The following LRRC75B variants were observed in gnomAD, a reference collection of about 807,000 sequenced individuals.
The protein encoded by LRRC75B is leucine rich repeat containing 75B.
A neutral mutation model predicts 16.5 loss-of-function variants in LRRC75B; 20 were observed. The observed-to-expected ratio is 1.21, with a 90% CI of 0.85 to 1.76. The LOEUF is 1.76. Ranked by LOEUF, LRRC75B falls within the 40% of genes most tolerant of loss-of-function variation. LRRC75B has a pLI of 0.00. For missense variants in LRRC75B, 406 were observed against 417.0 expected (o/e 0.97, Z 0.23); for synonymous variants, 199 against 198.1 (o/e 1.00, Z -0.04).
Position 24,592,886 on chromosome 22 carries a change from G to GCCGGGCGCGCT in LRRC75B, c.143_153dup (p.Gln52SerfsTer44), listed in dbSNP as rs2045615379. On this transcript the variant is annotated frameshift_variant, in exon 1 of 4. Coordinates refer to ENST00000318753, the MANE Select transcript of LRRC75B (RefSeq NM_207644.3). LOFTEE classifies it high-confidence loss of function. ...GCCTGGCGCAGGAGGCGCAGCAGCT[G>GCCGGGCGCGCT]CCGGGCGCGCTCCGGCCGCCGCTCG... The GCCGGGCGCGCT allele has an allele frequency of 3.1e-6, 4 of 1,281,650 alleles. No individual in the cohort carries two copies. Among genetic ancestry groups the GCCGGGCGCGCT allele is most frequent in the South Asian group, 4.7e-5 (2 of 42,210 alleles). 79.4% of individuals were successfully genotyped at this position (1,281,650 alleles called of 1,614,324 possible). A position where few individuals can be genotyped will look rare whatever the true frequency, so the allele number is the denominator to read the frequency against.
At chr22:24,588,934 G>A in intron 2 of LRRC75B, 1 of 1,003,576 alleles carries the variant, frequency 1.0e-6, no homozygotes. Context: ...GAGGTGCGCG[G>A]CCCACAAAGC....
chr22:24,590,736 G>A (rs1385620344), intron 1 of LRRC75B, among the ~76,000 whole-genome samples: 2 of 152,040 alleles, frequency 1.3e-5, no homozygotes, highest in Non-Finnish European at 2.9e-5. Context: ...CCTTGGGGGC[G>A]GACCTCTCTC....
chr22:24,586,260 G>A lies in LRRC75B; in HGVS notation c.574C>T (p.Leu192=), dbSNP rs2147147824. The A allele has an allele frequency of 6.2e-7, 1 of 1,613,860 alleles. No individual in the cohort carries two copies. The highest frequency in any genetic ancestry group is 1.1e-5 in the South Asian group (1 of 91,090). The change falls in exon 4 of 4, where the codon CTG becomes TTG. Residue 192 remains leucine, a synonymous_variant. Coordinates refer to ENST00000318753, the MANE Select transcript of LRRC75B (RefSeq NM_207644.3). ...AGGAGGTGCAGCAGCTCATCACTCA[G>A]CCCCGTGAAGCTCAGGTCCAGCACC... ...LAVLDLSFTG[L]SDELLHLLLP...
Position 24,586,087 on chromosome 22 carries a change from G to A in LRRC75B, c.747C>T (p.Asn249=), listed in dbSNP as rs144754113. ...PALAWVDLGN[N]VDVASLPQPL... ...GCTGGGGCAGGGAAGCCACATCCAC[G>A]TTGTTGCCCAGGTCCACCCAAGCCA... Residue 249 remains asparagine (N), a synonymous_variant, in exon 4 of 4, where the codon AAC becomes AAT. Coordinates refer to ENST00000318753, the MANE Select transcript of LRRC75B (RefSeq NM_207644.3). 14 of 1,612,522 alleles carry A rather than the reference G, an allele frequency of 8.7e-6. No homozygotes were observed. The highest frequency in any genetic ancestry group is 5.0e-5 in the Admixed American group (3 of 60,026).
rs2045380760 is a variant in LRRC75B at position 24,585,985 on chromosome 22, C to G, written c.849G>C (p.Glu283Asp). 6.2e-7 allele frequency: 1 copy of G among 1,610,522 alleles called. No individual in the cohort carries two copies. The highest frequency in any genetic ancestry group is 1.7e-5 in the Admixed American group (1 of 59,994). The change falls in exon 4 of 4, where the codon GAG (glutamate) becomes GAC (aspartate). Residue 283 changes from glutamate to aspartate, a missense_variant. Transcript: ENST00000318753. ...LPTIYEGLDL[E>D]PEGSAAGATT... ...TGGCCCCGGCCGCACTGCCCTCAGGCTCAAGGTCCAGGCCCTCGTAGATGG... is the reference window on the plus strand; with the variant it reads ...TGGCCCCGGCCGCACTGCCCTCAGGGTCAAGGTCCAGGCCCTCGTAGATGG...
chr22:24,592,263 G>A (rs958307130), intron 1 of LRRC75B: 9 of 464,756 alleles, frequency 1.9e-5, no homozygotes, highest in Non-Finnish European at 4.0e-5. Flanking sequence ...GTGTTGTGAT[G>A]CACAGATGCT....
chr22:24,589,136 G>A lies in LRRC75B; in HGVS notation c.306+685C>T. ...TGGCAGGGCCCAGAGCGGATACCCT[G>A]GTTTTGGTTGGGGACTCACTGTGAC... On this transcript the variant is annotated intron_variant, in intron 2 of 3. Coordinates refer to ENST00000318753, the MANE Select transcript of LRRC75B (RefSeq NM_207644.3). 5 of 1,134,986 alleles carry A rather than the reference G, an allele frequency of 4.4e-6. No homozygotes were observed. The South Asian group carries it at 9.2e-5, about 21-fold the overall frequency. 70.3% of individuals were successfully genotyped at this position (1,134,986 alleles called of 1,614,324 possible).
At chr22:24,592,785 G>A (rs1601601591) in intron 1 of LRRC75B, 78 bp downstream of exon 1, 4 of 1,272,406 alleles carry the variant, frequency 3.1e-6, no homozygotes, top group African/African-American at 3.2e-5. Flanking sequence ...ACAACCCATA[G>A]CCCCGCGCCT....
Position 24,592,903 on chromosome 22 carries a change from C to T in LRRC75B, c.137G>A (p.Arg46Gln). ...CAGCAGCTGCCGGGCGCGCTCCGGC[C>T]GCCGCTCGCGGAGCGTGGACTGGAT... Reference protein sequence around the residue: ...REIQSTLRERRPERARQLLRL... With the variant: ...REIQSTLRERQPERARQLLRL... The change falls in exon 1 of 4, where the codon CGG (arginine) becomes CAG (glutamine). Residue 46 changes from arginine (R) to glutamine (Q), a missense_variant. Physicochemically the swap from Arg to Gln is conservative, Grantham distance 43. Coordinates refer to ENST00000318753, the MANE Select transcript of LRRC75B (RefSeq NM_207644.3). 1 of 1,278,398 alleles carries T rather than the reference C, an allele frequency of 7.8e-7. No homozygotes were observed. Among genetic ancestry groups the T allele is most frequent in the East Asian group, 3.2e-5 (1 of 31,300 alleles). The allele number at this position is 1,278,398 out of a possible 1,614,324, so 79.2% of individuals were successfully genotyped here. A position where few individuals can be genotyped will look rare whatever the true frequency, so the allele number is the denominator to read the frequency against.
intron 3 of LRRC75B, 64 bp downstream of exon 3, chr22:24,588,150 G>T: frequency 1.6e-6 from 2 of 1,270,918 alleles, no homozygotes; most frequent in Non-Finnish European, 2.3e-6. Flanking sequence ...GAGAGTGCAG[G>T]TGTCAACCTG....
Position 24,593,066 on chromosome 22 carries a change from C to A in LRRC75B, c.-27G>T. 1 of 1,037,540 alleles carries A rather than the reference C, an allele frequency of 9.6e-7. No homozygotes were observed. The highest frequency in any genetic ancestry group is 4.5e-5 in the South Asian group (1 of 22,456). The allele number at this position is 1,037,540 out of a possible 1,614,324, so 64.3% of individuals were successfully genotyped here. Reference sequence around the variant, plus strand: ...GCCGCCGCGCGATGGTCGCCGAACCCACAGGAGGCCGGGCTGTCTGCGCCC... The same window carrying A: ...GCCGCCGCGCGATGGTCGCCGAACCAACAGGAGGCCGGGCTGTCTGCGCCC... On this transcript the variant is annotated 5_prime_UTR_variant, in exon 1 of 4. Transcript: ENST00000318753.
chr22:24,589,655 C>A, intron 2 of LRRC75B, 166 bp downstream of exon 2: 1 of 805,656 alleles, frequency 1.2e-6, no homozygotes, highest in South Asian at 1.9e-5. Context: ...GGTGGCCAGC[C>A]TAATATACTG....
At position 24,588,324 on chromosome 22, in the gene LRRC75B, A is replaced by G; in HGVS notation, c.312T>C (p.Tyr104=). The G allele has an allele frequency of 1.2e-6, 2 of 1,611,220 alleles. No homozygotes were observed. The highest frequency in any genetic ancestry group is 1.1e-5 in the South Asian group (1 of 90,496). The part of the protein sequence containing the change: ...ARDLQCPKKD[Y]ELWKSSDKIC... ...TCTTGTCCGAGGACTTCCAGAGCTC[A>G]TAGTCCTGTGGGAGGGCAGTGTCAC... Residue 104 remains tyrosine, a synonymous_variant, in exon 3 of 4, where the codon TAT becomes TAC. Coordinates refer to ENST00000318753, the MANE Select transcript of LRRC75B (RefSeq NM_207644.3).
chr22:24,588,623 C>T lies in LRRC75B; in HGVS notation c.307-294G>A, dbSNP rs562824689. Reference sequence around the variant, plus strand: ...TCCCTGTCCTCGGGCCCAGGGCCAGCGTCTCGGGCTATCAGCCGGCTGCCT... The same window carrying T: ...TCCCTGTCCTCGGGCCCAGGGCCAGTGTCTCGGGCTATCAGCCGGCTGCCT... On this transcript the variant is annotated intron_variant, in intron 2 of 3. Coordinates refer to ENST00000318753, the MANE Select transcript of LRRC75B (RefSeq NM_207644.3). The T allele has an allele frequency of 2.7e-5, 29 of 1,055,426 alleles. No individual in the cohort carries two copies. In the East Asian group the frequency reaches 6.5e-4, roughly 24 times the overall value. The allele number at this position is 1,055,426 out of a possible 1,614,324, so 65.4% of individuals were successfully genotyped here.
chr22:24,588,569 G>A (rs953946606), intron 2 of LRRC75B: 24 of 843,314 alleles, frequency 2.8e-5, no homozygotes, highest in Middle Eastern at 3.9e-4. Flanking sequence ...AGTGCCCGGC[G>A]GGAGGAAGCC....
chr22:24,586,219 C>A lies in LRRC75B; in HGVS notation c.615G>T (p.Trp205Cys), dbSNP rs1450263551. Residue 205 changes from tryptophan (W) to cysteine (C), a missense_variant, in exon 4 of 4, where the codon TGG becomes TGT. By Grantham distance (215) the Trp-to-Cys change is radical. Coordinates refer to ENST00000318753, the MANE Select transcript of LRRC75B (RefSeq NM_207644.3). ...ELLHLLLPSLWALPRLTQLLL... is the reference protein window; with the variant it reads ...ELLHLLLPSLCALPRLTQLLL... ...GGAGCTGGGTGAGGCGGGGCAGCGC[C>A]CACAGGCTGGGCAGCAGGAGGTGCA... The A allele has an allele frequency of 1.1e-5, 17 of 1,613,616 alleles. No homozygotes were observed. The highest frequency in any genetic ancestry group is 3.3e-5 in the Admixed American group (2 of 60,008).
Position 24,587,211 on chromosome 22 carries a change from G to A in LRRC75B, c.423-800C>T, listed in dbSNP as rs148236460. ...CGGCTATTAGGCTGTACAGGGCACCGGGGATAGAGAGGGACAGGCCCACAG... is the reference window on the plus strand; with the variant it reads ...CGGCTATTAGGCTGTACAGGGCACCAGGGATAGAGAGGGACAGGCCCACAG... On this transcript the variant is annotated intron_variant, in intron 3 of 3. Coordinates refer to ENST00000318753, the MANE Select transcript of LRRC75B (RefSeq NM_207644.3). 2.8e-4 allele frequency among the ~76,000 whole-genome samples: 42 copies of A among 152,306 alleles called. No homozygotes were observed. In the East Asian group the frequency reaches 5.6e-3, roughly 20 times the overall value.
chr22:24,592,550 A>C (rs1023299531), intron 1 of LRRC75B: 2 of 441,092 alleles, frequency 4.5e-6, no homozygotes, highest in Non-Finnish European at 8.8e-6. Context: ...GGTCCAGGCT[A>C]CCGGGCCACC....
chr22:24,587,703 G>A (rs145561660), intron 3 of LRRC75B, among the ~76,000 whole-genome samples: 34 of 152,332 alleles, frequency 2.2e-4, no homozygotes, highest in East Asian at 9.6e-4. Flanking sequence ...GGGCAGCCAC[G>A]GAAGCCTCAG....
Sources: allele counts gnomAD v4.1 joint callset (sites outside exome capture counted in the v4.1 genomes callset), GRCh38; gene constraint gnomAD v4.1.1; transcripts MANE v1.5; gene names NCBI Gene and HGNC (gene_info 2026-07-23, HGNC 2026-07-21).